Variants in WDR1 observed in about 807,000 individuals in gnomAD.
The protein encoded by WDR1 is WD repeat-containing protein 1.
In WDR1, 21 loss-of-function variants were observed where a neutral mutation model predicts 71.9. The ratio of observed to expected loss-of-function variants is 0.29; its 90% CI spans 0.21 to 0.42. The LOEUF (loss-of-function observed/expected upper bound fraction) is 0.42. WDR1 is among the 10% of genes least tolerant of loss of function. WDR1 has a pLI of 1.00. For missense variants in WDR1, 696 were observed against 824.5 expected (o/e 0.84, Z 1.91); for synonymous variants, 424 against 347.4 (o/e 1.22, Z -2.45).
intron 12 of WDR1, 116 bp from the exon 13 acceptor site, chr4:10,078,042 C>G: frequency 1.6e-6 from 2 of 1,275,682 alleles, no homozygotes; most frequent in Non-Finnish European, 2.1e-6. Flanking sequence ...GACTGCTGCT[C>G]TGCTGGGCCC....
intron 1 of WDR1, 177 bp from the exon 2 acceptor site, chr4:10,116,411 C>T: frequency 2.9e-6 from 3 of 1,041,142 alleles, no homozygotes; most frequent in Non-Finnish European, 4.0e-6. Flanking sequence ...CGCCCCGGGC[C>T]AGGCCCTTGG....
chr4:10,077,724 G>A (rs376051280), intron 13 of WDR1, 29 bp downstream of exon 13: 2 of 1,543,754 alleles, frequency 1.3e-6, no homozygotes, highest in Non-Finnish European at 1.7e-6. Context: ...CCCAGCACGG[G>A]GACAGAGGAG....
At chr4:10,081,199 G>A (rs565012388) in intron 11 of WDR1, among the ~76,000 whole-genome samples, 158 bp downstream of exon 11, 6 of 152,292 alleles carry the variant, frequency 3.9e-5, no homozygotes, top group African/African-American at 1.2e-4. Flanking sequence ...ATGTGATGGT[G>A]GTGAGGATTA....
Position 10,099,085 on chromosome 4 carries a change from T to C in WDR1, c.284A>G (p.Lys95Arg), listed in dbSNP as rs1305433943. The change falls in exon 4 of 15, where the codon AAG becomes AGG. Residue 95 changes from lysine to arginine, a missense_variant. Transcript: ENST00000499869. ...CCCAGCGAAAGGCTGGTACTCATAC[T>C]TCAACAGGTGCTCCTTCTGCGTGGT... is the stretch of plus-strand genomic sequence containing the variant. ...WDTTQKEHLL[K>R]YEYQPFAGKI... 6.2e-7 allele frequency: 1 copy of C among 1,611,982 alleles called. No homozygotes were observed. Among genetic ancestry groups the C allele is most frequent in the Admixed American group, 1.7e-5 (1 of 59,932 alleles).
At chr4:10,079,209 G>A (rs866257505) in intron 11 of WDR1, among the ~76,000 whole-genome samples, 4 of 152,202 alleles carry the variant, frequency 2.6e-5, no homozygotes, top group Non-Finnish European at 5.9e-5. Flanking sequence ...GGTGGGGCAG[G>A]AAACACAACT....
At chr4:10,088,614 G>T in intron 6 of WDR1, 50 bp downstream of exon 6, 1 of 1,479,682 alleles carries the variant, frequency 6.8e-7, no homozygotes, top group Non-Finnish European at 9.3e-7. Context: ...GCAGTCACGG[G>T]AGCAGGCAGA....
chr4:10,106,726 A>G (rs2108800401), intron 2 of WDR1, among the ~76,000 whole-genome samples: 1 of 152,000 alleles, frequency 6.6e-6, no homozygotes, highest in Non-Finnish European at 1.5e-5. Flanking sequence ...TGAATCACTC[A>G]CTCTCGTTTG....
chr4:10,077,561 T>C, intron 13 of WDR1, 113 bp from the exon 14 acceptor site: 2 of 1,533,986 alleles, frequency 1.3e-6, no homozygotes, highest in Non-Finnish European at 1.8e-6. Context: ...TCTCACGCGC[T>C]AACTCTATGC....
At chr4:10,115,498 T>C (rs1713656481) in intron 2 of WDR1, among the ~76,000 whole-genome samples, 1 of 152,204 alleles carries the variant, frequency 6.6e-6, no homozygotes, top group South Asian at 2.1e-4. Context: ...GGCTCTGCCA[T>C]ACTGGAAGAC....
intron 10 of WDR1, among the ~76,000 whole-genome samples, chr4:10,081,663 TGG>T (rs57903680): frequency 0.013 from 957 of 73,204 alleles, 22 homozygotes; most frequent in African/African-American, 0.051. Context: ...CGGGGAGGGG[TGG>T]GGGGGGGGGA....
chr4:10,078,781 C>T, intron 12 of WDR1, 110 bp downstream of exon 12: 1 of 937,492 alleles, frequency 1.1e-6, no homozygotes, highest in Non-Finnish European at 1.6e-6. Flanking sequence ...CATCCTTCCC[C>T]TGACCCCTCG....
chr4:10,099,170 G>GGT, intron 3 of WDR1, 31 bp from the exon 4 acceptor site: 4 of 801,988 alleles, frequency 5.0e-6, no homozygotes, highest in African/African-American at 1.7e-5. Context: ...GGGAGGGGGG[G>GGT]AGGCGGTGGT....
chr4:10,077,356 C>T lies in WDR1; in HGVS notation c.1662G>A (p.Met554Ile). The T allele has an allele frequency of 6.2e-7, 1 of 1,614,028 alleles. No individual in the cohort carries two copies. The highest frequency in any genetic ancestry group is 1.7e-5 in the Admixed American group (1 of 60,032). Residue 554 changes from methionine to isoleucine, a missense_variant, in exon 14 of 15, where the codon ATG becomes ATA. Physicochemically the swap from Met to Ile is conservative, Grantham distance 10 (BLOSUM62 1). Coordinates refer to ENST00000499869, the MANE Select transcript of WDR1 (RefSeq NM_017491.5). Reference sequence around the variant, plus strand: ...CACTCAGGGTCCAAACATACACCATCATGTCCATGCCACCGGAGGCAAAGT... The same window carrying T: ...CACTCAGGGTCCAAACATACACCATTATGTCCATGCCACCGGAGGCAAAGT... ...NEHFASGGMD[M>I]MVYVWTLSDP...
intron 5 of WDR1, among the ~76,000 whole-genome samples, chr4:10,090,898 CGTTCT>C (rs1711931882): frequency 6.6e-6 from 1 of 152,230 alleles, no homozygotes; most frequent in Non-Finnish European, 1.5e-5. Flanking sequence ...GCTTGCATTC[CGTTCT>C]ATGACTGAAG....
rs1578415189 is a variant in WDR1, at chr4:10,079,130, G to T, written c.1285-129C>A. The stretch of plus-strand genomic sequence containing the variant: ...TGGCTCCATACCCAACCTCTTTGCA[G>T]GGCCACCTGGGGCTCTGAGCCACAC... On this transcript the variant is annotated intron_variant, in intron 11 of 14. Coordinates refer to ENST00000499869, the MANE Select transcript of WDR1 (RefSeq NM_017491.5). 4.7e-6 allele frequency: 3 copies of T among 635,652 alleles called. No individual in the cohort carries two copies. The East Asian group carries it at 9.0e-5, about 19-fold the overall frequency. The allele number at this position is 635,652 out of a possible 1,614,324, so 39.4% of individuals were successfully genotyped here.
chr4:10,091,101 GGC>G (rs1711947741), intron 5 of WDR1, among the ~76,000 whole-genome samples: 1 of 152,272 alleles, frequency 6.6e-6, no homozygotes, highest in Non-Finnish European at 1.5e-5. Flanking sequence ...CAAACTACAA[GGC>G]GTGCAGTACC....
intron 5 of WDR1, among the ~76,000 whole-genome samples, chr4:10,094,154 T>C (rs772644690): frequency 2.0e-5 from 3 of 152,142 alleles, no homozygotes; most frequent in Non-Finnish European, 2.9e-5. Flanking sequence ...TGGCAGTGAG[T>C]TCTCAGTTCT....
rs752339559 is a variant in WDR1, at chr4:10,077,847, A to G, written c.1475T>C (p.Val492Ala). The G allele has an allele frequency of 1.2e-6, 2 of 1,610,588 alleles. No individual in the cohort carries two copies. The highest frequency in any genetic ancestry group is 1.7e-6 in the Non-Finnish European group (2 of 1,178,500). The change falls in exon 13 of 15, where the codon GTG becomes GCG. Residue 492 changes from valine (V) to alanine (A), a missense_variant. By Grantham distance (64) the Val-to-Ala change is moderately conservative (BLOSUM62 0). Coordinates refer to ENST00000499869, the MANE Select transcript of WDR1 (RefSeq NM_017491.5). ...EGKLLEAKGPVTDVAYSHDGA... is the reference protein window; with the variant it reads ...EGKLLEAKGPATDVAYSHDGA... ...GTCGTGGGAGTAGGCCACGTCGGTC[A>G]CGGGGCCCTTGGCCTCTAGGAGCTT...
chr4:10,090,329 C>G (rs1036094616), intron 5 of WDR1, among the ~76,000 whole-genome samples: 2 of 152,124 alleles, frequency 1.3e-5, no homozygotes, highest in Non-Finnish European at 2.9e-5. Context: ...GAAACATAGG[C>G]CCAGAAAGAG....
Sources: gnomAD v4.1 joint callset for allele counts (sites outside exome capture counted in the v4.1 genomes callset) on GRCh38, gnomAD v4.1.1 for gene constraint, MANE v1.5 for transcripts, NCBI Gene and HGNC (gene_info 2026-07-23, HGNC 2026-07-21) for gene names.